Variants in KANK1 observed in about 807,000 individuals in gnomAD.
KANK1 encodes the protein KN motif and ankyrin repeat domain-containing protein 1.
A neutral mutation model predicts 106.2 loss-of-function variants in KANK1; 109 were observed. The observed-to-expected ratio is 1.03, with a 90% CI of 0.88 to 1.20. KANK1 has a LOEUF of 1.20. Among genes scored for constraint, KANK1 ranks in the 50% most tolerant of loss-of-function variants. The pLI, the probability that KANK1 is intolerant of heterozygous loss-of-function variation, is 0.00. For synonymous variants in KANK1, 873 were observed against 652.2 expected (o/e 1.34, Z -5.16); for missense variants, 2,399 against 1,710.7 (o/e 1.40, Z -7.10).
chr9:621,895 TGCTCCACCAAAGG>T (rs1248301392), intron 1 of KANK1, among the ~76,000 whole-genome samples: 2 of 152,150 alleles, frequency 1.3e-5, no homozygotes, highest in Non-Finnish European at 2.9e-5. Context: ...GAAATCCAAA[TGCTCCACCAAAGG>T]GCTTTGGTTT....
chr9:531,250 G>A (rs2060040555), intron 1 of KANK1, among the ~76,000 whole-genome samples: 1 of 152,108 alleles, frequency 6.6e-6, no homozygotes, highest in African/African-American at 2.4e-5. Context: ...ACCAGCCTGG[G>A]CAACAAAGCA....
At chr9:681,901 G>A (rs1817622852) in intron 2 of KANK1, among the ~76,000 whole-genome samples, 1 of 152,050 alleles carries the variant, frequency 6.6e-6, no homozygotes, top group African/African-American at 2.4e-5. Context: ...TTTCCCTCAT[G>A]CTCTTTCTTT....
At chr9:722,739 T>C (rs1442575475) in intron 3 of KANK1, among the ~76,000 whole-genome samples, 2 of 152,218 alleles carry the variant, frequency 1.3e-5, no homozygotes, top group Admixed American at 6.5e-5. Flanking sequence ...TGAGGTTCTT[T>C]TCCTTACCAG....
Position 711,881 on chromosome 9 carries a change from C to G in KANK1, c.1115C>G (p.Ala372Gly). ...ATAAAGGAGTTCCGGCAACTTACAG[C>G]AGACATGCAAGCCCTGGAGCAGAAG... Reference protein sequence around the residue: ...QRIKEFRQLTADMQALEQKIQ... With the variant: ...QRIKEFRQLTGDMQALEQKIQ... The change falls in exon 3 of 12, where the codon GCA becomes GGA. Residue 372 changes from alanine to glycine, a missense_variant. Coordinates refer to ENST00000382297, the MANE Select transcript of KANK1 (RefSeq NM_015158.5). 6.2e-7 allele frequency: 1 copy of G among 1,614,174 alleles called. No homozygotes were observed. Among genetic ancestry groups the G allele is most frequent in the Non-Finnish European group, 8.5e-7 (1 of 1,180,028 alleles).
Position 711,600 on chromosome 9 carries a change from G to A in KANK1, c.834G>A (p.Glu278=). The A allele has an allele frequency of 6.2e-7, 1 of 1,614,166 alleles. No homozygotes were observed. The highest frequency in any genetic ancestry group is 1.1e-5 in the South Asian group (1 of 91,072). ...CTCTGAAACGCCTGAAGGAGCTGGA[G>A]GAGCAGGTGCGAACCATCCCTGTGC... ...AIALKRLKEL[E]EQVRTIPVLQ... The change falls in exon 3 of 12, where the codon GAG becomes GAA. Residue 278 remains glutamate, a synonymous_variant. Coordinates refer to ENST00000382297, the MANE Select transcript of KANK1 (RefSeq NM_015158.5).
At chr9:637,900 G>T (rs928572659) in intron 1 of KANK1, among the ~76,000 whole-genome samples, 5 of 152,146 alleles carry the variant, frequency 3.3e-5, no homozygotes, top group African/African-American at 1.2e-4. Flanking sequence ...GGGGTTGGTT[G>T]ATTCAGTGGT....
intron 1 of KANK1, among the ~76,000 whole-genome samples, chr9:565,135 C>A (rs967808316): frequency 3.9e-5 from 6 of 152,196 alleles, no homozygotes; most frequent in Non-Finnish European, 8.8e-5. Context: ...ATTTTGAAGA[C>A]CACTAGGCAT....
chr9:595,028 A>T (rs962863090), intron 1 of KANK1, among the ~76,000 whole-genome samples: 5 of 151,956 alleles, frequency 3.3e-5, no homozygotes, highest in Non-Finnish European at 7.3e-5. Context: ...AAAAGAAAAA[A>T]AAGAATTTTT....
intron 1 of KANK1, among the ~76,000 whole-genome samples, chr9:618,041 G>A (rs1832262442): frequency 1.3e-5 from 2 of 152,168 alleles, no homozygotes; most frequent in South Asian, 4.1e-4. Flanking sequence ...AATTTACCCT[G>A]CACACAAGGC....
At chr9:479,014 TTTC>T (rs903183211) in intron 3 of KANK1, among the ~76,000 whole-genome samples, 10 of 151,482 alleles carry the variant, frequency 6.6e-5, no homozygotes, top group African/African-American at 2.4e-4. Context: ...GCCTCCTGGG[TTTC>T]AGCAATTCTC....
At chr9:745,019 G>C in intron 11 of KANK1, 154 bp from the exon 12 acceptor site, 1 of 1,507,542 alleles carries the variant, frequency 6.6e-7, no homozygotes. Flanking sequence ...CCTTGGAGCT[G>C]TGGACACCTG....
chr9:650,747 T>G, intron 1 of KANK1, among the ~76,000 whole-genome samples: 1 of 152,152 alleles, frequency 6.6e-6, no homozygotes, highest in Non-Finnish European at 1.5e-5. Flanking sequence ...TTTACCAGTC[T>G]TAAGGTATCC....
chr9:591,240 T>G lies in KANK1; in HGVS notation c.-83-85650T>G, dbSNP rs1297989574. On this transcript the variant is annotated intron_variant, in intron 1 of 11. Transcript: ENST00000382297. ...TGATAATTTCTTTGAATTTTTATAC[T>G]GCTTTTAAATGTATATAAATATTTA... is the stretch of plus-strand genomic sequence containing the variant. Among the ~76,000 whole-genome samples the G allele has an allele frequency of 2.0e-5, 3 of 151,924 alleles. No homozygotes were observed. The East Asian group carries it at 5.8e-4, about 29-fold the overall frequency.
rs768686436 is a variant in KANK1, at chr9:476,242, C to T, written c.-362+2969C>T. ...ATGAACAAGATCCCAGGTGTTAGGC[C>T]GGGCGTGGTGGCTCACGCCTGTAAT... On this transcript the variant is annotated intron_variant, in intron 3 of 15. Transcript: ENST00000382303. 3.6e-4 allele frequency among the ~76,000 whole-genome samples: 54 copies of T among 151,820 alleles called. 1 individual carries two copies. The highest frequency in any genetic ancestry group is 2.4e-3 in the Admixed American group (37 of 15,242).
At position 687,524 on chromosome 9, in the gene KANK1, T is replaced by C. The variant is rs191428261; in HGVS notation, c.37+10515T>C. Among the ~76,000 whole-genome samples the C allele has an allele frequency of 4.3e-4, 65 of 152,286 alleles. 1 individual carries two copies. Among genetic ancestry groups the C allele is most frequent in the African/African-American group, 1.5e-3 (63 of 41,546 alleles). The stretch of plus-strand genomic sequence containing the variant: ...CTTACCGGAGGTCCATGACTACAGG[T>C]ACTCAGAGACCAGCTGTATCCAAAG... On this transcript the variant is annotated intron_variant, in intron 2 of 11. Transcript: ENST00000382297.
chr9:548,274 A>G (rs575260540), intron 1 of KANK1, among the ~76,000 whole-genome samples: 3 of 152,328 alleles, frequency 2.0e-5, no homozygotes, highest in East Asian at 1.9e-4. Context: ...GATTTTTCTC[A>G]CTTCAAAAGA....
At chr9:569,558 T>C (rs567385638) in intron 1 of KANK1, among the ~76,000 whole-genome samples, 1 of 152,188 alleles carries the variant, frequency 6.6e-6, no homozygotes, top group Non-Finnish European at 1.5e-5. Context: ...GCCCTAGACT[T>C]TGGACTTCTC....
Position 685,394 on chromosome 9 carries a change from AAT to A in KANK1, c.37+8386_37+8387del, listed in dbSNP as rs1023536654. 2.9e-5 allele frequency: 3 copies of A among 104,584 alleles called. No individual in the cohort carries two copies. The Admixed American group carries it at 3.0e-4, about 10-fold the overall frequency. 6.5% of individuals were successfully genotyped at this position (104,584 alleles called of 1,614,324 possible). ...CTCAGATTAAACAATATTCTATAAA[AAT>A]GAGAGAAGGCCACTCTAATCAACAG... On this transcript the variant is annotated intron_variant, in intron 2 of 11. Transcript: ENST00000382297.
At chr9:470,335 T>C (rs956185555) in exon 1 of KANK1, 4 of 152,306 alleles carry the variant, frequency 2.6e-5, no homozygotes, top group African/African-American at 9.7e-5. Context: ...TGCTCCAGCC[T>C]GCTCAGCAGC....
Sources: allele counts gnomAD v4.1 joint callset (sites outside exome capture counted in the v4.1 genomes callset), GRCh38; gene constraint gnomAD v4.1.1; transcripts MANE v1.5; gene names NCBI Gene and HGNC (gene_info 2026-07-23, HGNC 2026-07-21).